DOCK3: variants seen among roughly 807,000 people sequenced by gnomAD.
DOCK3 encodes the protein dedicator of cytokinesis protein 3.
In DOCK3, 60 loss-of-function variants were observed where a neutral mutation model predicts 265.6. That is an observed-to-expected ratio of 0.23 (90% CI 0.18 to 0.28). The LOEUF (loss-of-function observed/expected upper bound fraction) is 0.28. Ranked by LOEUF, DOCK3 falls within the 10% of genes least tolerant of loss-of-function variation. The pLI, the probability that DOCK3 is intolerant of heterozygous loss-of-function variation, is 1.00. For synonymous variants in DOCK3, 881 were observed against 938.0 expected (o/e 0.94, Z 1.11); for missense variants, 1,981 against 2,594.3 (o/e 0.76, Z 5.14).
intron 35 of DOCK3, among the ~76,000 whole-genome samples, chr3:51,335,812 C>T (rs764776682): frequency 7.2e-5 from 11 of 151,900 alleles, no homozygotes; most frequent in Admixed American, 2.6e-4. Context: ...GACAATATGG[C>T]GAAACCCCAT....
chr3:51,308,521 G>C (rs1312856248), intron 27 of DOCK3, among the ~76,000 whole-genome samples: 1 of 151,452 alleles, frequency 6.6e-6, no homozygotes, highest in East Asian at 1.9e-4. Context: ...GTTTCAGAGA[G>C]CACAGGGTTG....
chr3:50,823,506 C>T (rs1372125919), intron 2 of DOCK3, among the ~76,000 whole-genome samples: 1 of 152,202 alleles, frequency 6.6e-6, no homozygotes. Flanking sequence ...TCAACAGGAT[C>T]CCAAGGCAGA....
chr3:51,338,312 C>T, intron 35 of DOCK3, 47 bp from the exon 36 acceptor site: 1 of 1,548,632 alleles, frequency 6.5e-7, no homozygotes, highest in Non-Finnish European at 8.7e-7. Flanking sequence ...TGTGTTGTCT[C>T]AAGGCCCCAC....
chr3:50,745,221 T>G (rs1176666821), intron 1 of DOCK3, among the ~76,000 whole-genome samples: 1 of 152,106 alleles, frequency 6.6e-6, no homozygotes, highest in Non-Finnish European at 1.5e-5. Context: ...AATTTTTGTA[T>G]TTTTAGTAAA....
At chr3:51,096,835 TC>T (rs2082877735) in intron 9 of DOCK3, among the ~76,000 whole-genome samples, 1 of 152,232 alleles carries the variant, frequency 6.6e-6, no homozygotes, top group African/African-American at 2.4e-5. Context: ...TGTGTGGACA[TC>T]CTTTTTGTTG....
chr3:50,763,413 G>T (rs2040654013), intron 1 of DOCK3, among the ~76,000 whole-genome samples: 1 of 152,088 alleles, frequency 6.6e-6, no homozygotes, highest in South Asian at 2.1e-4. Context: ...CTCCTGAGTA[G>T]CTGGGATTGC....
chr3:50,864,836 C>CTA (rs1158759194), intron 3 of DOCK3, among the ~76,000 whole-genome samples: 1 of 151,880 alleles, frequency 6.6e-6, no homozygotes, highest in Non-Finnish European at 1.5e-5. Flanking sequence ...GTTTTGGTTA[C>CTA]TATAGCTTTG....
At chr3:51,278,283 A>C in intron 26 of DOCK3, 1 of 985,382 alleles carries the variant, frequency 1.0e-6, no homozygotes, top group Non-Finnish European at 1.2e-6. Flanking sequence ...TCTGTGATCT[A>C]ATTAGAAGAG....
intron 1 of DOCK3, among the ~76,000 whole-genome samples, chr3:50,714,070 C>A (rs1174437556): frequency 6.6e-6 from 1 of 152,134 alleles, no homozygotes; most frequent in Non-Finnish European, 1.5e-5. Context: ...TCATCACACA[C>A]TGCAGCCTCA....
At chr3:51,212,642 C>CGTA (rs2089579541) in intron 13 of DOCK3, among the ~76,000 whole-genome samples, 1 of 152,126 alleles carries the variant, frequency 6.6e-6, no homozygotes, top group Non-Finnish European at 1.5e-5. Context: ...CCAAGCTGTT[C>CGTA]TCTACAGAGA....
chr3:50,780,129 A>G (rs1196249922), intron 2 of DOCK3, among the ~76,000 whole-genome samples: 1 of 152,222 alleles, frequency 6.6e-6, no homozygotes, highest in Non-Finnish European at 1.5e-5. Flanking sequence ...TTTTCTTAAA[A>G]ACAGAAGTAT....
chr3:50,755,504 T>C (rs913026294), intron 1 of DOCK3, among the ~76,000 whole-genome samples: 7 of 152,228 alleles, frequency 4.6e-5, no homozygotes, highest in South Asian at 2.1e-4. Flanking sequence ...ATCAGTAATA[T>C]CTGTTGATGT....
intron 5 of DOCK3, among the ~76,000 whole-genome samples, chr3:50,993,335 T>C (rs2078174798): frequency 6.6e-6 from 1 of 152,254 alleles, no homozygotes; most frequent in Non-Finnish European, 1.5e-5. Context: ...AAATTTGGCT[T>C]AATAATTCCT....
intron 5 of DOCK3, among the ~76,000 whole-genome samples, chr3:51,012,731 G>A (rs1378574960): frequency 6.6e-6 from 1 of 152,194 alleles, no homozygotes; most frequent in Non-Finnish European, 1.5e-5. Context: ...CCCGTCTTCT[G>A]TGTCGCTCAC....
intron 1 of DOCK3, among the ~76,000 whole-genome samples, chr3:50,705,252 T>C (rs2036329785): frequency 1.3e-5 from 2 of 152,032 alleles, no homozygotes; most frequent in Non-Finnish European, 2.9e-5. Context: ...TAGCTCTGTG[T>C]CCCCACCCAA....
chr3:51,169,546 T>G (rs1046703875), intron 12 of DOCK3, among the ~76,000 whole-genome samples: 1 of 151,962 alleles, frequency 6.6e-6, no homozygotes, highest in African/African-American at 2.4e-5. Context: ...TGAGAACACA[T>G]GGACACAAAG....
chr3:51,172,467 C>T (rs926758671), intron 12 of DOCK3, among the ~76,000 whole-genome samples: 12 of 152,176 alleles, frequency 7.9e-5, no homozygotes, highest in African/African-American at 2.7e-4. Context: ...TGAGCTACCA[C>T]GCCCAGCTGG....
chr3:51,027,695 C>T (rs1401925745), intron 5 of DOCK3, among the ~76,000 whole-genome samples: 1 of 151,768 alleles, frequency 6.6e-6, no homozygotes, highest in African/African-American at 2.4e-5. Context: ...TATGTAATGC[C>T]CTTCTTTGTC....
chr3:51,070,472 TA>T lies in DOCK3; in HGVS notation c.465-4878del, dbSNP rs546114803. 5.3e-3 allele frequency among the ~76,000 whole-genome samples: 802 copies of T among 152,276 alleles called. 6 individuals carry two copies. Among genetic ancestry groups the T allele is most frequent in the African/African-American group, 0.018 (755 of 41,552 alleles). ...CTCAGTGGGCCTCAGCTTCCTTGGT[TA>T]AAAAATGGATCTAATACTGTCTACT... On this transcript the variant is annotated intron_variant, in intron 6 of 52. Transcript: ENST00000266037.
Sources: allele counts gnomAD v4.1 joint callset (sites outside exome capture counted in the v4.1 genomes callset), GRCh38; gene constraint gnomAD v4.1.1; transcripts MANE v1.5; gene names NCBI Gene and HGNC (gene_info 2026-07-23, HGNC 2026-07-21).